Variants in FAR2 observed in about 807,000 individuals in gnomAD.
FAR2 encodes epididymis secretory protein Li 81.
Under a neutral mutation model 56.0 loss-of-function variants are expected in FAR2, and 19 were observed. The ratio of observed to expected loss-of-function variants is 0.34; its 90% confidence interval spans 0.24 to 0.50. The LOEUF (loss-of-function observed/expected upper bound fraction) is 0.50. FAR2 is among the 20% of genes least tolerant of loss of function. The pLI is 0.98. For synonymous variants in FAR2, 219 were observed against 218.8 expected, an observed-to-expected ratio of 1.00 and a Z score of -0.01; for missense variants, 508 against 642.2, an observed-to-expected ratio of 0.79 and a Z score of 2.26.
At chr12:29,245,074 G>A (rs1009478362) in intron 1 of FAR2, among the ~76,000 whole-genome samples, 5 of 151,672 alleles carry the variant, frequency 3.3e-5, no homozygotes, top group African/African-American at 4.8e-5. Flanking sequence ...TCCGTCTCCC[G>A]GGTTCAAGCG....
At chr12:29,219,648 C>T (rs1329423070) in intron 1 of FAR2, among the ~76,000 whole-genome samples, 1 of 151,924 alleles carries the variant, frequency 6.6e-6, no homozygotes, top group African/African-American at 2.4e-5. Context: ...AGAGAAGGAA[C>T]CATTGAAATT....
At chr12:29,220,735 A>G (rs1224964233) in intron 1 of FAR2, among the ~76,000 whole-genome samples, 1 of 152,088 alleles carries the variant, frequency 6.6e-6, no homozygotes, top group Admixed American at 6.6e-5. Flanking sequence ...TTGCCTCCTC[A>G]GAAGAAAGAA....
At chr12:29,319,164 T>G (rs1443896455) in intron 9 of FAR2, among the ~76,000 whole-genome samples, 1 of 151,978 alleles carries the variant, frequency 6.6e-6, no homozygotes, top group Non-Finnish European at 1.5e-5. Flanking sequence ...CTAATTTTTG[T>G]ATTTTTAGCA....
In FAR2 at chr12:29,162,351, C is replaced by T. The variant is rs147035653; in HGVS notation, c.-39+12944C>T. 2.0e-3 allele frequency among the ~76,000 whole-genome samples: 308 copies of T among 152,300 alleles called. 2 individuals are homozygous for T. Among genetic ancestry groups the T allele is most frequent in the African/African-American group, 6.9e-3 (287 of 41,558 alleles). On this transcript the variant is annotated intron_variant, in intron 1 of 11. Transcript: ENST00000536681. ...GAATTCTGCATTTCATTTTAAATCA[C>T]GGGCACACAGTAGCAGTCTGGATGC...
rs199898481 is a variant in FAR2 at position 29,229,519 on chromosome 12, GA to G, written c.-38-40884del. 7.5e-4 allele frequency among the ~76,000 whole-genome samples: 112 copies of G among 150,094 alleles called. 2 individuals carry two copies. Among genetic ancestry groups the G allele is most frequent in the South Asian group, 3.2e-3 (15 of 4,760 alleles). ...GTCTGTTTTTAAAAAAGAAACTAAA[GA>G]AAAAAAAAGACCAAATCTATTTGTT... On this transcript the variant is annotated intron_variant, in intron 1 of 11. Coordinates refer to ENST00000536681, the MANE Select transcript of FAR2 (RefSeq NM_001271783.2).
chr12:29,277,938 T>C (rs1247990242), intron 2 of FAR2: 3 of 147,010 alleles, frequency 2.0e-5, no homozygotes, highest in South Asian at 4.4e-4. Context: ...CTTTCTTTTT[T>C]TTTTTTTTTT....
At chr12:29,155,570 A>C (rs1308316736) in intron 1 of FAR2, among the ~76,000 whole-genome samples, 3 of 152,254 alleles carry the variant, frequency 2.0e-5, no homozygotes, top group Non-Finnish European at 4.4e-5. Context: ...TGAACTAAGA[A>C]TGGTTCTTAT....
intron 4 of FAR2, among the ~76,000 whole-genome samples, chr12:29,300,897 C>T (rs531670456): frequency 6.6e-6 from 1 of 152,052 alleles, no homozygotes; most frequent in African/African-American, 2.4e-5. Flanking sequence ...CATTTTTGGC[C>T]CGGACCTTTC....
chr12:29,231,625 T>C (rs1013434270), intron 1 of FAR2, among the ~76,000 whole-genome samples: 1 of 152,070 alleles, frequency 6.6e-6, no homozygotes, highest in Non-Finnish European at 1.5e-5. Flanking sequence ...AGGGAAAGGA[T>C]AGTTAATCAT....
At chr12:29,282,599 T>C (rs1948805484) in intron 2 of FAR2, among the ~76,000 whole-genome samples, 1 of 152,172 alleles carries the variant, frequency 6.6e-6, no homozygotes, top group Non-Finnish European at 1.5e-5. Flanking sequence ...TATGTGAGGC[T>C]TGGAAATTTT....
At chr12:29,249,772 C>T (rs1417688490) in intron 1 of FAR2, among the ~76,000 whole-genome samples, 1 of 152,174 alleles carries the variant, frequency 6.6e-6, no homozygotes, top group Middle Eastern at 3.4e-3. Context: ...GTAAAAAACT[C>T]CAAATCATAG....
chr12:29,254,209 A>G (rs567519774), intron 1 of FAR2, among the ~76,000 whole-genome samples: 1 of 152,318 alleles, frequency 6.6e-6, no homozygotes, highest in East Asian at 1.9e-4. Flanking sequence ...CTCCTGGAAA[A>G]ACTATATATA....
chr12:29,287,644 T>A (rs1948899746), intron 2 of FAR2, among the ~76,000 whole-genome samples: 1 of 152,108 alleles, frequency 6.6e-6, no homozygotes, highest in Admixed American at 6.6e-5. Flanking sequence ...CAAATTTTGG[T>A]GGGTTATTGG....
chr12:29,173,667 A>C lies in FAR2; in HGVS notation c.-39+24260A>C, dbSNP rs548827477. ...GTCAAATTGGTCCCAATAGCTTAGG[A>C]TGCATTTCAAGGGTAAGCCGGTTGA... On this transcript the variant is annotated intron_variant, in intron 1 of 11. Transcript: ENST00000536681. 4.6e-5 allele frequency among the ~76,000 whole-genome samples: 7 copies of C among 152,184 alleles called. No individual in the cohort carries two copies. The South Asian group carries it at 1.5e-3, about 32-fold the overall frequency.
intron 11 of FAR2, chr12:29,333,402 A>G: frequency 2.1e-6 from 1 of 469,382 alleles, no homozygotes; most frequent in South Asian, 3.7e-5. Context: ...AATAGTTTCA[A>G]GTGGAGAGAG....
intron 8 of FAR2, among the ~76,000 whole-genome samples, chr12:29,314,482 G>A (rs550917094): frequency 2.7e-5 from 4 of 149,374 alleles, no homozygotes; most frequent in African/African-American, 7.4e-5. Context: ...TTCTATTCCA[G>A]GGAGCTCTTG....
In FAR2 at chr12:29,190,413, C is replaced by T. The variant is rs141146424; in HGVS notation, c.-39+41006C>T. On this transcript the variant is annotated intron_variant, in intron 1 of 11. Coordinates refer to ENST00000536681, the MANE Select transcript of FAR2 (RefSeq NM_001271783.2). ...GGAGGAGCCAGCAGAGGTGATTTCA[C>T]TTCTCTGCTAGAGTTCAAGATTCAT... 7.3e-4 allele frequency among the ~76,000 whole-genome samples: 111 copies of T among 151,974 alleles called. No individual in the cohort carries two copies. In the East Asian group the frequency reaches 0.015, roughly 20 times the overall value.
At chr12:29,285,153 AG>A (rs1482119539) in intron 2 of FAR2, among the ~76,000 whole-genome samples, 1 of 152,012 alleles carries the variant, frequency 6.6e-6, no homozygotes, top group Admixed American at 6.6e-5. Context: ...ATTACTGCTA[AG>A]TTTCTTGTTA....
chr12:29,317,579 T>C (rs1167526567), intron 9 of FAR2: 1 of 152,522 alleles, frequency 6.6e-6, no homozygotes, highest in Non-Finnish European at 1.5e-5. Flanking sequence ...AAGGTAAATG[T>C]TAAAGAGGTT....
Sources: gnomAD v4.1 joint callset for allele counts (sites outside exome capture counted in the v4.1 genomes callset) on GRCh38, gnomAD v4.1.1 for gene constraint, MANE v1.5 for transcripts, NCBI Gene and HGNC (gene_info 2026-07-23, HGNC 2026-07-21) for gene names.